Variants in NRXN3 observed in about 807,000 individuals in gnomAD.
The protein encoded by NRXN3 is neurexin 3.
In NRXN3, 32 loss-of-function variants were observed where a neutral mutation model predicts 137.6. That is an observed-to-expected ratio of 0.23 (90% CI 0.18 to 0.31). The LOEUF is 0.31. NRXN3 is among the 10% of genes least tolerant of loss of function. The probability of loss-of-function intolerance (pLI) is 1.00; values close to 1 mark genes in which losing one functional copy is unlikely to be tolerated. For synonymous variants in NRXN3, 798 were observed against 784.5 expected (o/e 1.02, Z -0.29); for missense variants, 1,574 against 2,062.5 (o/e 0.76, Z 4.59).
At position 79,024,819 on chromosome 14, in the gene NRXN3, C is replaced by A. The variant is rs113860237; in HGVS notation, c.3262+36678C>A. Among the ~76,000 whole-genome samples the A allele has an allele frequency of 9.7e-3, 1,483 of 152,214 alleles. 24 individuals are homozygous for A. Among genetic ancestry groups the A allele is most frequent in the African/African-American group, 0.034 (1,424 of 41,530 alleles). On this transcript the variant is annotated intron_variant, in intron 15 of 20. Transcript: ENST00000335750. ...TATTGCTCCTACACACAAGGTACCT[C>A]TTCTCCTTTTTTCACTTGCTAATAA...
chr14:78,885,509 AT>A (rs2099141093), intron 10 of NRXN3, among the ~76,000 whole-genome samples: 1 of 152,134 alleles, frequency 6.6e-6, no homozygotes, highest in Non-Finnish European at 1.5e-5. Context: ...TAAAATAATT[AT>A]TTTTAAGTGA....
chr14:79,768,125 C>G (rs994004348), intron 19 of NRXN3, among the ~76,000 whole-genome samples: 2 of 152,212 alleles, frequency 1.3e-5, no homozygotes, highest in African/African-American at 2.4e-5. Flanking sequence ...GGGTCCTACG[C>G]CCACGGAGTC....
intron 16 of NRXN3, among the ~76,000 whole-genome samples, chr14:79,483,833 C>T (rs1047204458): frequency 1.3e-5 from 2 of 152,036 alleles, no homozygotes; most frequent in Non-Finnish European, 2.9e-5. Context: ...CAACACTGTT[C>T]TGTGCACTCA....
Position 78,300,904 on chromosome 14 carries a change from C to G in NRXN3, c.757+3044C>G, listed in dbSNP as rs561270685. 3.3e-5 allele frequency among the ~76,000 whole-genome samples: 5 copies of G among 152,302 alleles called. No homozygotes were observed. In the East Asian group the frequency reaches 9.6e-4, roughly 29 times the overall value. The stretch of plus-strand genomic sequence containing the variant: ...GTGTTTGGGGATGATTCTGTGTTGG[C>G]CTGCCTCCCTCTAAACTGAGGGCGG... On this transcript the variant is annotated intron_variant, in intron 4 of 20. Coordinates refer to ENST00000335750, the MANE Select transcript of NRXN3 (RefSeq NM_001330195.2).
chr14:79,628,964 T>C (rs2098312996), intron 16 of NRXN3, among the ~76,000 whole-genome samples: 2 of 152,184 alleles, frequency 1.3e-5, no homozygotes, highest in Non-Finnish European at 2.9e-5. Flanking sequence ...ATCAGATATG[T>C]TTTGATTTTA....
chr14:79,828,669 G>C (rs1474609855), intron 20 of NRXN3, among the ~76,000 whole-genome samples: 2 of 114,404 alleles, frequency 1.7e-5, no homozygotes, highest in East Asian at 2.6e-4. Flanking sequence ...TTTTTTTTGC[G>C]TACCAAATCC....
At chr14:78,214,134 T>C (rs1030285283) in intron 1 of NRXN3, among the ~76,000 whole-genome samples, 4 of 152,228 alleles carry the variant, frequency 2.6e-5, no homozygotes, top group African/African-American at 9.6e-5. Flanking sequence ...GTCTGGGCCC[T>C]TTCTAGCCCT....
At chr14:79,739,376 G>A (rs1603457935) in intron 19 of NRXN3, among the ~76,000 whole-genome samples, 1 of 152,102 alleles carries the variant, frequency 6.6e-6, no homozygotes, top group African/African-American at 2.4e-5. Flanking sequence ...TGGGCATGGT[G>A]GCTCACGCCT....
At chr14:79,547,249 G>T (rs1457815500) in intron 16 of NRXN3, among the ~76,000 whole-genome samples, 2 of 152,066 alleles carry the variant, frequency 1.3e-5, no homozygotes, top group Admixed American at 1.3e-4. Flanking sequence ...GTGGAAAATT[G>T]TGCAATAATC....
chr14:78,452,033 C>T (rs1030195305), intron 4 of NRXN3, among the ~76,000 whole-genome samples: 1 of 152,206 alleles, frequency 6.6e-6, no homozygotes, highest in South Asian at 2.1e-4. Flanking sequence ...CGCCCACCTA[C>T]CTAACATTTT....
intron 17 of NRXN3, chr14:79,669,068 TC>T (rs2098590062): frequency 6.6e-6 from 1 of 152,112 alleles, no homozygotes; most frequent in South Asian, 2.1e-4. Context: ...ACTTTCCTTT[TC>T]TTTATGTCTT....
intron 15 of NRXN3, among the ~76,000 whole-genome samples, chr14:79,169,318 A>G (rs1337700494): frequency 6.6e-6 from 1 of 151,988 alleles, no homozygotes; most frequent in Admixed American, 6.6e-5. Flanking sequence ...TCAATTACAA[A>G]AGCCACACAA....
At chr14:79,375,530 G>A (rs548265587) in intron 15 of NRXN3, among the ~76,000 whole-genome samples, 2 of 152,072 alleles carry the variant, frequency 1.3e-5, no homozygotes, top group East Asian at 1.9e-4. Context: ...GTCTCTTTCC[G>A]CAGCGGGACG....
At position 79,701,146 on chromosome 14, in the gene NRXN3, G is replaced by A. The variant is rs530873036; in HGVS notation, c.4014+3209G>A. On this transcript the variant is annotated intron_variant, in intron 19 of 20. Transcript: ENST00000335750. Reference sequence around the variant, plus strand: ...GCCAAATTTGTTGTATTTTTCAGTAGTAAGGCTATAGCATAGTGATTCAGT... The same window carrying A: ...GCCAAATTTGTTGTATTTTTCAGTAATAAGGCTATAGCATAGTGATTCAGT... Among the ~76,000 whole-genome samples, 103 of 152,176 alleles carry A rather than the reference G, an allele frequency of 6.8e-4. 3 individuals are homozygous for A. The South Asian group carries it at 0.021, about 30-fold the overall frequency.
intron 19 of NRXN3, among the ~76,000 whole-genome samples, chr14:79,710,959 C>CA (rs1333973232): frequency 6.6e-6 from 1 of 152,042 alleles, no homozygotes; most frequent in Non-Finnish European, 1.5e-5. Context: ...CAGTTTTTTA[C>CA]AAAAACTTTA....
intron 15 of NRXN3, among the ~76,000 whole-genome samples, chr14:79,355,958 G>A (rs962805371): frequency 1.3e-5 from 2 of 152,036 alleles, no homozygotes; most frequent in African/African-American, 2.4e-5. Context: ...ATTTATATGT[G>A]TTATATAATA....
chr14:78,675,857 C>T (rs1380694544), intron 6 of NRXN3, among the ~76,000 whole-genome samples: 3 of 152,100 alleles, frequency 2.0e-5, no homozygotes, highest in Non-Finnish European at 2.9e-5. Context: ...TTTCCAACAG[C>T]GTGTGCTGAC....
Position 79,842,356 on chromosome 14 carries a change from G to A in NRXN3, c.4094-18986G>A, listed in dbSNP as rs374008991. Among the ~76,000 whole-genome samples the A allele has an allele frequency of 2.8e-4, 43 of 152,284 alleles. No homozygotes were observed. In the East Asian group the frequency reaches 7.2e-3, roughly 25 times the overall value. ...GCCTCTGAGAAGTAAAATTGTAGCA[G>A]AGACCTAAATAACGAGAAAGACCTA... On this transcript the variant is annotated intron_variant, in intron 20 of 20. Coordinates refer to ENST00000335750, the MANE Select transcript of NRXN3 (RefSeq NM_001330195.2).
intron 10 of NRXN3, among the ~76,000 whole-genome samples, chr14:78,833,657 A>G (rs1024934019): frequency 6.6e-6 from 1 of 152,202 alleles, no homozygotes; most frequent in Non-Finnish European, 1.5e-5. Context: ...ATTTTGAACT[A>G]TCAGGGTAGA....
Sources: gnomAD v4.1 joint callset for allele counts (sites outside exome capture counted in the v4.1 genomes callset) on GRCh38, gnomAD v4.1.1 for gene constraint, MANE v1.5 for transcripts, NCBI Gene and HGNC (gene_info 2026-07-23, HGNC 2026-07-21) for gene names.